The following NEGR1 variants were observed in gnomAD, a reference collection of about 807,000 sequenced individuals.
The protein encoded by NEGR1 is IgLON family member 4.
A neutral mutation model predicts 40.9 loss-of-function variants in NEGR1; 10 were observed. The observed-to-expected ratio is 0.24, with a 90% confidence interval of 0.15 to 0.42. The LOEUF is 0.42. NEGR1 is among the 10% of genes least tolerant of loss of function. The pLI is 1.00. For synonymous variants in NEGR1, 185 were observed against 166.8 expected (o/e 1.11, Z -0.84); for missense variants, 352 against 438.9 (o/e 0.80, Z 1.77).
At position 71,815,701 on chromosome 1, in the gene NEGR1, C is replaced by T. The variant is rs147817063; in HGVS notation, c.410-39404G>A. Reference sequence around the variant, plus strand: ...TCTTTTTACTATATAACATTGACTGCCAATATTCTAAGTCCTAAGATTCTA... The same window carrying T: ...TCTTTTTACTATATAACATTGACTGTCAATATTCTAAGTCCTAAGATTCTA... On this transcript the variant is annotated intron_variant, in intron 2 of 6. Coordinates refer to ENST00000357731, the MANE Select transcript of NEGR1 (RefSeq NM_173808.3). Among the ~76,000 whole-genome samples, 117 of 152,082 alleles carry T rather than the reference C, an allele frequency of 7.7e-4. 1 individual carries two copies. The highest frequency in any genetic ancestry group is 2.8e-3 in the African/African-American group (117 of 41,528).
At chr1:71,669,221 AT>A (rs1472673698) in intron 4 of NEGR1, among the ~76,000 whole-genome samples, 10 of 152,050 alleles carry the variant, frequency 6.6e-5, no homozygotes, top group African/African-American at 2.4e-4. Flanking sequence ...TTCATGTTTC[AT>A]GATCTATCTC....
intron 1 of NEGR1, among the ~76,000 whole-genome samples, chr1:72,166,671 A>C (rs901035931): frequency 1.3e-5 from 2 of 152,102 alleles, no homozygotes; most frequent in Non-Finnish European, 2.9e-5. Flanking sequence ...AGAGAGGACA[A>C]ATACTGCATG....
intron 2 of NEGR1, among the ~76,000 whole-genome samples, chr1:71,908,412 T>C (rs1198840430): frequency 6.6e-6 from 1 of 152,086 alleles, no homozygotes; most frequent in East Asian, 1.9e-4. Flanking sequence ...TGTTCTGTCA[T>C]TTAAAGAACT....
intron 1 of NEGR1, among the ~76,000 whole-genome samples, chr1:72,115,632 T>C (rs1319899533): frequency 1.3e-5 from 2 of 151,572 alleles, no homozygotes; most frequent in African/African-American, 2.4e-5. Context: ...AAAGTGTGTA[T>C]GGAAAAGTGG....
intron 1 of NEGR1, among the ~76,000 whole-genome samples, chr1:72,246,513 A>G (rs1355128063): frequency 6.6e-6 from 1 of 152,128 alleles, no homozygotes; most frequent in Non-Finnish European, 1.5e-5. Context: ...CAGCTTAAGC[A>G]TTTTCTTCTC....
chr1:72,136,667 A>T (rs1650477457), intron 1 of NEGR1, among the ~76,000 whole-genome samples: 2 of 151,724 alleles, frequency 1.3e-5, no homozygotes, highest in Admixed American at 6.6e-5. Flanking sequence ...CAAAAAAAAA[A>T]AAATCCAAGC....
At chr1:71,797,557 G>A (rs1264437513) in intron 2 of NEGR1, among the ~76,000 whole-genome samples, 1 of 152,118 alleles carries the variant, frequency 6.6e-6, no homozygotes, top group African/African-American at 2.4e-5. Flanking sequence ...ACATCAAAGT[G>A]ATTTAGAGGA....
At chr1:71,680,174 C>T (rs183260673) in intron 4 of NEGR1, among the ~76,000 whole-genome samples, 48 of 151,904 alleles carry the variant, frequency 3.2e-4, no homozygotes, top group African/African-American at 8.9e-4. Context: ...AAAAATTTTT[C>T]TTGAAGAGTT....
intron 4 of NEGR1, among the ~76,000 whole-genome samples, chr1:71,668,472 G>C (rs189253406): frequency 9.2e-5 from 14 of 152,246 alleles, no homozygotes; most frequent in Non-Finnish European, 5.9e-5. Context: ...TAGGGTTAGG[G>C]CTCATTGGAT....
intron 2 of NEGR1, among the ~76,000 whole-genome samples, chr1:71,840,921 C>T (rs915420030): frequency 6.6e-6 from 1 of 152,190 alleles, no homozygotes; most frequent in African/African-American, 2.4e-5. Context: ...CCTCTCCATG[C>T]AAGAGAGAAC....
At chr1:71,618,174 T>G (rs796767838) in intron 4 of NEGR1, among the ~76,000 whole-genome samples, 3 of 152,194 alleles carry the variant, frequency 2.0e-5, no homozygotes, top group Admixed American at 6.5e-5. Flanking sequence ...AGCTGGTGCA[T>G]GATCGTCTTG....
chr1:71,529,730 CACA>C (rs1218730923), intron 6 of NEGR1, among the ~76,000 whole-genome samples: 2 of 151,032 alleles, frequency 1.3e-5, no homozygotes, highest in Non-Finnish European at 3.0e-5. Flanking sequence ...TATAGTCCAG[CACA>C]ACAATTACAA....
At chr1:71,595,023 G>A (rs1486393733) in intron 5 of NEGR1, among the ~76,000 whole-genome samples, 1 of 152,184 alleles carries the variant, frequency 6.6e-6, no homozygotes, top group African/African-American at 2.4e-5. Context: ...GACACTCCAT[G>A]GCACTATATG....
At chr1:71,510,976 TTTAG>T (rs1647069186) in intron 6 of NEGR1, among the ~76,000 whole-genome samples, 3 of 152,200 alleles carry the variant, frequency 2.0e-5, no homozygotes, top group Admixed American at 2.0e-4. Flanking sequence ...CAAGGCATGA[TTTAG>T]TTAGTAAAAC....
chr1:71,949,730 T>C (rs1164651700), intron 1 of NEGR1, among the ~76,000 whole-genome samples: 2 of 152,054 alleles, frequency 1.3e-5, no homozygotes, highest in Non-Finnish European at 2.9e-5. Context: ...GGTTCAAAAA[T>C]TGAATATATA....
chr1:72,044,715 T>C (rs1646986279), intron 1 of NEGR1, among the ~76,000 whole-genome samples: 1 of 151,880 alleles, frequency 6.6e-6, no homozygotes, highest in African/African-American at 2.4e-5. Flanking sequence ...CCTTGGGAAG[T>C]GTTCACCTTA....
intron 4 of NEGR1, among the ~76,000 whole-genome samples, chr1:71,640,086 ATTCTC>A (rs1324312097): frequency 1.3e-4 from 20 of 152,020 alleles, no homozygotes; most frequent in African/African-American, 4.8e-4. Context: ...GTTCTCTATT[ATTCTC>A]TAAGAACTAG....
At chr1:71,873,935 T>A (rs1348218680) in intron 2 of NEGR1, among the ~76,000 whole-genome samples, 1 of 152,124 alleles carries the variant, frequency 6.6e-6, no homozygotes, top group East Asian at 1.9e-4. Context: ...TTTGGAAAAA[T>A]CAGAGTAAGA....
chr1:72,092,675 G>C (rs1648544156), intron 1 of NEGR1, among the ~76,000 whole-genome samples: 1 of 151,970 alleles, frequency 6.6e-6, no homozygotes, highest in South Asian at 2.1e-4. Context: ...TTTTGAGGCA[G>C]GGTCTCACTC....
Sources: allele counts gnomAD v4.1 joint callset (sites outside exome capture counted in the v4.1 genomes callset), GRCh38; gene constraint gnomAD v4.1.1; transcripts MANE v1.5; gene names NCBI Gene and HGNC (gene_info 2026-07-23, HGNC 2026-07-21).